RFT1: variants seen among roughly 807,000 people sequenced by gnomAD.
RFT1 encodes man(5)GlcNAc(2)-PP-dolichol translocation protein RFT1.
A neutral mutation model predicts 62.2 loss-of-function variants in RFT1; 43 were observed. The ratio of observed to expected loss-of-function variants is 0.69; its 90% CI spans 0.54 to 0.89. The LOEUF (loss-of-function observed/expected upper bound fraction) is 0.89, where lower values mean the gene tolerates loss of function less well. Among genes scored for constraint, RFT1 ranks in the 40% least tolerant of loss-of-function variants. The pLI is 0.00. For synonymous variants in RFT1, 262 were observed against 264.6 expected, an observed-to-expected ratio of 0.99 and a Z score of 0.10; for missense variants, 605 against 649.9, an observed-to-expected ratio of 0.93 and a Z score of 0.75.
At chr3:53,122,313 T>TA (rs1440895926) in intron 4 of RFT1, 61 bp downstream of exon 4, 1 of 1,528,940 alleles carries the variant, frequency 6.5e-7, no homozygotes, top group South Asian at 1.1e-5. Flanking sequence ...AAAGCATTTT[T>TA]AAAAAACAAC....
the RFT1 span, among the ~76,000 whole-genome samples, chr3:53,069,184 CCCT>C: frequency 2.0e-5 from 3 of 152,306 alleles, no homozygotes; most frequent in Admixed American, 6.5e-5. Flanking sequence ...AAGTGCTCCG[CCCT>C]CCTCAGCCTC....
At chr3:53,121,547 A>T in intron 5 of RFT1, 152 bp downstream of exon 5, 1 of 681,294 alleles carries the variant, frequency 1.5e-6, no homozygotes, top group Non-Finnish European at 2.7e-6. Context: ...CCTGGCAGCT[A>T]GAGAAGCAGT....
intron 10 of RFT1, chr3:53,103,216 A>G (rs1488044587): frequency 2.9e-5 from 29 of 985,280 alleles, no homozygotes; most frequent in Non-Finnish European, 3.4e-5. Context: ...AAAGCCCTTT[A>G]TATTGAGATG....
At position 53,092,556 on chromosome 3, in the gene RFT1, C is replaced by T. The variant is rs759492237; in HGVS notation, c.1271G>A (p.Arg424His). 97 of 1,612,438 alleles carry T rather than the reference C, an allele frequency of 6.0e-5. No homozygotes were observed. The highest frequency in any genetic ancestry group is 1.2e-4 in the South Asian group (11 of 90,476). Reference protein sequence around the residue: ...SFLVLSYLLTRWCGSVGFILA... With the variant: ...SFLVLSYLLTHWCGSVGFILA... Reference sequence around the variant, plus strand: ...GATGAAGCCCACGCTGCCACACCAACGGGTCAAGAGATAGGATAACACCAG... The same window carrying T: ...GATGAAGCCCACGCTGCCACACCAATGGGTCAAGAGATAGGATAACACCAG... The change falls in exon 12 of 13, where the codon CGT becomes CAT. Residue 424 changes from arginine to histidine, a missense_variant. Transcript: ENST00000296292.
chr3:53,102,933 A>G (rs959281939), intron 10 of RFT1, among the ~76,000 whole-genome samples: 6 of 152,360 alleles, frequency 3.9e-5, no homozygotes, highest in African/African-American at 1.4e-4. Context: ...GAGCTGCTAC[A>G]GAATAGTCGA....
At chr3:53,087,546 G>C (rs555046705), downstream of RFT1, among the ~76,000 whole-genome samples, 13 of 151,238 alleles carry the variant, frequency 8.6e-5, no homozygotes, top group South Asian at 6.3e-4. Context: ...TTTTTGGAGT[G>C]GGGGGACAGG....
Position 53,091,792 on chromosome 3 carries a change from G to T in RFT1, c.*111C>A. The T allele has an allele frequency of 8.6e-7, 1 of 1,161,176 alleles. No individual in the cohort carries two copies. The allele number at this position is 1,161,176 out of a possible 1,614,324, so 71.9% of individuals were successfully genotyped here. A position where few individuals can be genotyped will look rare whatever the true frequency, so the allele number is the denominator to read the frequency against. ...TCTCTGGTGCCTCATCTCTGGGGTT[G>T]CTGTCACTCCGCTGCAGAGCCCTCA... On this transcript the variant is annotated 3_prime_UTR_variant, in exon 13 of 13. Transcript: ENST00000296292.
At chr3:53,118,858 G>A (rs1316029393) in intron 6 of RFT1, among the ~76,000 whole-genome samples, 1 of 152,166 alleles carries the variant, frequency 6.6e-6, no homozygotes, top group Non-Finnish European at 1.5e-5. Context: ...CACATCAGCT[G>A]TAGAATCCAC....
At chr3:53,092,146 G>A (rs1701008693) in intron 12 of RFT1, 76 bp from the exon 13 acceptor site, 2 of 1,570,924 alleles carry the variant, frequency 1.3e-6, no homozygotes, top group Non-Finnish European at 1.7e-6. Flanking sequence ...AGGGAAGACA[G>A]CTGTGGTTCC....
chr3:53,120,119 AACTGCACTTTC>A (rs1701928688), intron 5 of RFT1, 98 bp from the exon 6 acceptor site: 1 of 524,434 alleles, frequency 1.9e-6, no homozygotes, highest in Non-Finnish European at 2.9e-6. Flanking sequence ...TCTCTTGATT[AACTGCACTTTC>A]TATTCAGCAA....
intron 7 of RFT1, among the ~76,000 whole-genome samples, chr3:53,110,042 A>T (rs968280566): frequency 1.3e-5 from 2 of 152,096 alleles, no homozygotes; most frequent in African/African-American, 4.8e-5. Flanking sequence ...ATTCAGGTCG[A>T]GCTCTGGAGG....
intron 10 of RFT1, among the ~76,000 whole-genome samples, chr3:53,100,693 A>C (rs1701285611): frequency 6.6e-6 from 1 of 152,226 alleles, no homozygotes; most frequent in African/African-American, 2.4e-5. Context: ...CATTTCATTG[A>C]TATAAAATTA....
chr3:53,087,111 GCCTGCAGT>G (rs1700871188), downstream of RFT1, among the ~76,000 whole-genome samples: 2 of 152,152 alleles, frequency 1.3e-5, no homozygotes, highest in African/African-American at 4.8e-5. Context: ...GGTGGTGCAT[GCCTGCAGT>G]CCCAGCTACT....
intron 6 of RFT1, among the ~76,000 whole-genome samples, chr3:53,112,613 C>T (rs767666787): frequency 8.5e-5 from 13 of 152,178 alleles, no homozygotes; most frequent in Admixed American, 7.2e-4. Flanking sequence ...CGTGGTGCTA[C>T]GTGTCTGTAA....
chr3:53,115,365 A>G (rs1190681126), intron 6 of RFT1, among the ~76,000 whole-genome samples: 2 of 152,160 alleles, frequency 1.3e-5, no homozygotes, highest in Non-Finnish European at 2.9e-5. Context: ...ATAAGACACT[A>G]TAACTCTGTA....
In RFT1 at chr3:53,104,056, G is replaced by A. The variant is rs778263474; in HGVS notation, c.999C>T (p.Leu333=). ...TCAGGCCGGCCAGCAGGGCCAGCTT[G>A]AGCAGGGACTCCAAGACTGCAGCAG... ...AVAAAVLESL[L]KLALLAGLTI... The change falls in exon 10 of 13, where the codon CTC becomes CTT. Residue 333 remains leucine, a synonymous_variant. Coordinates refer to ENST00000296292, the MANE Select transcript of RFT1 (RefSeq NM_052859.4). The A allele has an allele frequency of 1.8e-5, 29 of 1,614,190 alleles. No homozygotes were observed. The South Asian group carries it at 3.1e-4, about 17-fold the overall frequency.
the RFT1 span, among the ~76,000 whole-genome samples, chr3:53,076,415 A>G: frequency 1.3e-5 from 2 of 152,234 alleles, no homozygotes; most frequent in Admixed American, 1.3e-4. Flanking sequence ...AGGGAAGAAT[A>G]TAAAGTACAA....
intron 11 of RFT1, among the ~76,000 whole-genome samples, chr3:53,098,799 C>A (rs148219135): frequency 9.6e-5 from 2 of 20,776 alleles, no homozygotes; most frequent in Admixed American, 1.8e-3. Context: ...GAGACTCCAT[C>A]TCAAAAAAAA....
intron 9 of RFT1, 120 bp from the exon 10 acceptor site, chr3:53,104,217 G>C (rs1166473529): frequency 2.0e-6 from 2 of 986,178 alleles, no homozygotes; most frequent in Non-Finnish European, 1.5e-6. Context: ...CAGCGTGATG[G>C]ATATCACTAT....
Sources: gnomAD v4.1 joint callset for allele counts (sites outside exome capture counted in the v4.1 genomes callset) on GRCh38, gnomAD v4.1.1 for gene constraint, MANE v1.5 for transcripts, NCBI Gene and HGNC (gene_info 2026-07-23, HGNC 2026-07-21) for gene names.